The following SLC25A21 variants were observed in gnomAD, a reference collection of about 807,000 sequenced individuals.
SLC25A21 encodes the protein mitochondrial 2-oxodicarboxylate carrier.
In SLC25A21, 47 loss-of-function variants were observed where a neutral mutation model predicts 43.8. That is an observed-to-expected ratio of 1.07 (90% CI 0.85 to 1.37). The LOEUF (loss-of-function observed/expected upper bound fraction) is 1.37, where lower values mean the gene tolerates loss of function less well. SLC25A21 is among the 40% of genes most tolerant of loss of function. SLC25A21 has a pLI of 0.00. For synonymous variants in SLC25A21, 131 were observed against 121.3 expected (o/e 1.08, Z -0.52); for missense variants, 352 against 350.2 (o/e 1.00, Z -0.04).
intron 1 of SLC25A21, among the ~76,000 whole-genome samples, chr14:37,000,290 T>C (rs990740752): frequency 7.9e-5 from 12 of 152,208 alleles, no homozygotes; most frequent in Admixed American, 3.9e-4. Context: ...ATCTCTTGTC[T>C]GGCCTATTTC....
intron 1 of SLC25A21, among the ~76,000 whole-genome samples, chr14:37,155,033 T>C (rs897941168): frequency 1.6e-4 from 24 of 151,226 alleles, no homozygotes; most frequent in African/African-American, 5.8e-4. Context: ...GGTAATAGAG[T>C]AGATGAGGCA....
chr14:36,789,872 T>TTTATATAAAAA (rs1887409214), intron 3 of SLC25A21, among the ~76,000 whole-genome samples: 1 of 118,456 alleles, frequency 8.4e-6, no homozygotes, highest in South Asian at 2.4e-4. Context: ...TAAAAATATA[T>TTTATATAAAAA]TATATATTTA....
chr14:37,155,553 T>C (rs1340971250), intron 1 of SLC25A21, among the ~76,000 whole-genome samples: 1 of 152,090 alleles, frequency 6.6e-6, no homozygotes, highest in Non-Finnish European at 1.5e-5. Flanking sequence ...AATCATCTAG[T>C]CACCTATAAA....
At chr14:37,130,290 T>G (rs1450600641) in intron 1 of SLC25A21, among the ~76,000 whole-genome samples, 1 of 152,056 alleles carries the variant, frequency 6.6e-6, no homozygotes, top group East Asian at 1.9e-4. Context: ...TTAAAAAAAT[T>G]TTAACTTTTG....
At chr14:37,014,125 C>A (rs1960794340) in intron 1 of SLC25A21, among the ~76,000 whole-genome samples, 1 of 152,066 alleles carries the variant, frequency 6.6e-6, no homozygotes, top group Non-Finnish European at 1.5e-5. Context: ...CAGAGATGAC[C>A]TTGCTGAAGA....
intron 1 of SLC25A21, among the ~76,000 whole-genome samples, chr14:37,099,877 C>T (rs1220902377): frequency 6.6e-6 from 1 of 151,998 alleles, no homozygotes; most frequent in Non-Finnish European, 1.5e-5. Context: ...CCAAACACCA[C>T]ACTTACTCTT....
chr14:36,777,481 A>C (rs1274274418), intron 3 of SLC25A21, among the ~76,000 whole-genome samples: 1 of 152,176 alleles, frequency 6.6e-6, no homozygotes, highest in Non-Finnish European at 1.5e-5. Context: ...AAGAATCTCA[A>C]AATGAGATCA....
intron 1 of SLC25A21, among the ~76,000 whole-genome samples, chr14:37,063,154 C>G (rs781370610): frequency 5.3e-5 from 8 of 152,212 alleles, no homozygotes; most frequent in Non-Finnish European, 2.9e-5. Flanking sequence ...ATTCAATTAC[C>G]TCCACCGGGT....
intron 2 of SLC25A21, among the ~76,000 whole-genome samples, chr14:36,844,767 C>T (rs1262483997): frequency 1.3e-5 from 2 of 152,176 alleles, no homozygotes; most frequent in African/African-American, 2.4e-5. Flanking sequence ...ATGCCGGATC[C>T]TAATCCAAAG....
chr14:37,046,168 T>C (rs1961580975), intron 1 of SLC25A21, among the ~76,000 whole-genome samples: 1 of 152,140 alleles, frequency 6.6e-6, no homozygotes, highest in Non-Finnish European at 1.5e-5. Flanking sequence ...GCAGGCAATC[T>C]GCCTCAAGGG....
intron 3 of SLC25A21, among the ~76,000 whole-genome samples, chr14:36,771,510 A>G (rs1027502216): frequency 2.6e-5 from 4 of 152,100 alleles, no homozygotes; most frequent in Admixed American, 1.3e-4. Context: ...CACGGAAGAG[A>G]TGGGTTCATG....
At chr14:36,954,010 T>C (rs1959259887) in intron 1 of SLC25A21, among the ~76,000 whole-genome samples, 1 of 152,160 alleles carries the variant, frequency 6.6e-6, no homozygotes, top group East Asian at 1.9e-4. Flanking sequence ...TACAATGTAT[T>C]AGAAACTGGA....
intron 2 of SLC25A21, among the ~76,000 whole-genome samples, chr14:36,854,343 T>G (rs548342769): frequency 1.7e-4 from 26 of 152,294 alleles, no homozygotes; most frequent in African/African-American, 6.3e-4. Context: ...TATAGTCGAG[T>G]TGGGCCTTGA....
chr14:37,165,971 A>C, intron 1 of SLC25A21, among the ~76,000 whole-genome samples: 1 of 152,174 alleles, frequency 6.6e-6, no homozygotes, highest in Non-Finnish European at 1.5e-5. Context: ...CAGAGTAATG[A>C]TGTCATATGC....
chr14:36,761,170 T>C (rs562305085), intron 3 of SLC25A21, among the ~76,000 whole-genome samples: 1 of 152,272 alleles, frequency 6.6e-6, no homozygotes, highest in Admixed American at 6.5e-5. Flanking sequence ...CCATTCAGTT[T>C]GTGCATCCAA....
chr14:36,895,387 TC>T (rs918149887), intron 1 of SLC25A21, among the ~76,000 whole-genome samples: 103 of 152,322 alleles, frequency 6.8e-4, no homozygotes, highest in African/African-American at 2.4e-3. Context: ...AGTGGTGATA[TC>T]CCCTTTATCA....
intron 1 of SLC25A21, among the ~76,000 whole-genome samples, chr14:37,120,700 G>C (rs1276943259): frequency 3.3e-5 from 5 of 151,962 alleles, no homozygotes; most frequent in Admixed American, 2.6e-4. Flanking sequence ...CAACTGTGGG[G>C]AAAAAGGTGG....
chr14:36,755,665 A>G (rs1278732266), intron 3 of SLC25A21, among the ~76,000 whole-genome samples: 1 of 152,260 alleles, frequency 6.6e-6, no homozygotes, highest in Non-Finnish European at 1.5e-5. Flanking sequence ...AATTAAAAAA[A>G]ATCTATATAT....
chr14:36,984,224 C>T (rs1960094723), intron 1 of SLC25A21, among the ~76,000 whole-genome samples: 1 of 152,116 alleles, frequency 6.6e-6, no homozygotes, highest in Admixed American at 6.5e-5. Context: ...ATTACCTCTC[C>T]TGTTATTTGC....
Sources: gnomAD v4.1 joint callset for allele counts (sites outside exome capture counted in the v4.1 genomes callset) on GRCh38, gnomAD v4.1.1 for gene constraint, MANE v1.5 for transcripts, NCBI Gene and HGNC (gene_info 2026-07-23, HGNC 2026-07-21) for gene names.